The following DOCK2 variants were observed in gnomAD, a reference collection of about 807,000 sequenced individuals.
DOCK2 encodes dedicator of cytokinesis 2, also known as dedicator of cytokinesis protein 2.
In DOCK2, 87 loss-of-function variants were observed where a neutral mutation model predicts 248.9. That is an observed-to-expected ratio of 0.35 (90% CI 0.29 to 0.42). The LOEUF is 0.42. Ranked by LOEUF, DOCK2 falls within the 10% of genes least tolerant of loss-of-function variation. The probability of loss-of-function intolerance (pLI) is 1.00; values close to 1 mark genes in which losing one functional copy is unlikely to be tolerated. For synonymous variants in DOCK2, 805 were observed against 821.6 expected (o/e 0.98, Z 0.35); for missense variants, 1,747 against 2,300.2 (o/e 0.76, Z 4.92).
intron 23 of DOCK2, among the ~76,000 whole-genome samples, chr5:169,749,497 T>C (rs1185375698): frequency 1.3e-5 from 2 of 152,192 alleles, no homozygotes; most frequent in East Asian, 3.8e-4. Flanking sequence ...TATTAGTTGA[T>C]GCTTAATAGA....
chr5:169,989,807 G>C (rs931915681), intron 29 of DOCK2, among the ~76,000 whole-genome samples: 1 of 152,192 alleles, frequency 6.6e-6, no homozygotes, highest in Non-Finnish European at 1.5e-5. Flanking sequence ...AAAGTAGTTA[G>C]AATAGTGTTT....
chr5:170,010,740 C>T (rs1046032469), intron 32 of DOCK2, among the ~76,000 whole-genome samples: 12 of 152,222 alleles, frequency 7.9e-5, no homozygotes, highest in African/African-American at 2.4e-4. Flanking sequence ...AGTTTGCATT[C>T]GTTGCTGTAC....
At chr5:169,973,894 C>G (rs1297467021) in intron 27 of DOCK2, among the ~76,000 whole-genome samples, 1 of 152,152 alleles carries the variant, frequency 6.6e-6, no homozygotes, top group African/African-American at 2.4e-5. Context: ...GTTAATTTAT[C>G]CATCTGTCCA....
At chr5:169,801,329 A>G (rs1463645824) in intron 25 of DOCK2, among the ~76,000 whole-genome samples, 1 of 151,964 alleles carries the variant, frequency 6.6e-6, no homozygotes, top group Non-Finnish European at 1.5e-5. Flanking sequence ...GTAGTGCTTA[A>G]GAGCACAGTC....
intron 6 of DOCK2, among the ~76,000 whole-genome samples, chr5:169,675,454 C>T (rs959582948): frequency 1.3e-5 from 2 of 152,206 alleles, no homozygotes; most frequent in Non-Finnish European, 2.9e-5. Flanking sequence ...TCCCTGTCCA[C>T]TAAAGGGTCA....
At chr5:169,972,586 T>TAGATGATAGATAGATA (rs1554122913) in intron 27 of DOCK2, among the ~76,000 whole-genome samples, 1 of 68,956 alleles carries the variant, frequency 1.5e-5, no homozygotes, top group Non-Finnish European at 2.9e-5. Flanking sequence ...GATAGATAGA[T>TAGATGATAGATAGATA]GATAGATAGA....
intron 27 of DOCK2, among the ~76,000 whole-genome samples, chr5:169,978,399 G>T (rs1156562505): frequency 7.1e-6 from 1 of 141,416 alleles, no homozygotes; most frequent in Non-Finnish European, 1.6e-5. Context: ...GTGTGGGGGG[G>T]GGGGGGTGTA....
chr5:169,914,847 A>G (rs1432474389), intron 27 of DOCK2, among the ~76,000 whole-genome samples: 1 of 152,208 alleles, frequency 6.6e-6, no homozygotes, highest in Non-Finnish European at 1.5e-5. Context: ...TTTGCATCCC[A>G]TGGAGTAAAT....
At chr5:169,855,768 A>T (rs1218051628) in intron 27 of DOCK2, among the ~76,000 whole-genome samples, 2 of 152,192 alleles carry the variant, frequency 1.3e-5, no homozygotes, top group Non-Finnish European at 2.9e-5. Flanking sequence ...CTACTCTTGG[A>T]GTTTAACGTA....
chr5:169,790,640 G>A (rs557061784), intron 25 of DOCK2, among the ~76,000 whole-genome samples: 1 of 152,336 alleles, frequency 6.6e-6, no homozygotes, highest in East Asian at 1.9e-4. Flanking sequence ...AACAGTGGAA[G>A]GAAACTGAAG....
At chr5:169,965,876 C>A (rs1777278298) in intron 27 of DOCK2, among the ~76,000 whole-genome samples, 2 of 152,170 alleles carry the variant, frequency 1.3e-5, no homozygotes, top group Admixed American at 1.3e-4. Flanking sequence ...GGCCTCTGGG[C>A]TCTCACCTTT....
At chr5:169,940,083 G>A (rs1395669964) in intron 27 of DOCK2, among the ~76,000 whole-genome samples, 2 of 152,218 alleles carry the variant, frequency 1.3e-5, no homozygotes, top group Non-Finnish European at 2.9e-5. Flanking sequence ...GGCTGTGGGT[G>A]GGGAGAGGGG....
intron 27 of DOCK2, among the ~76,000 whole-genome samples, chr5:169,864,854 A>C (rs1332479658): frequency 6.6e-6 from 1 of 152,208 alleles, no homozygotes; most frequent in Admixed American, 6.5e-5. Flanking sequence ...GCTCAGTTTC[A>C]TTATCTGTAA....
intron 22 of DOCK2, among the ~76,000 whole-genome samples, chr5:169,730,638 G>C (rs1312164871): frequency 2.0e-5 from 3 of 152,088 alleles, no homozygotes; most frequent in Admixed American, 2.0e-4. Flanking sequence ...AGATATATAG[G>C]ACATAAACTG....
At chr5:169,766,226 C>T (rs1764782560) in intron 25 of DOCK2, among the ~76,000 whole-genome samples, 1 of 152,118 alleles carries the variant, frequency 6.6e-6, no homozygotes, top group African/African-American at 2.4e-5. Context: ...TCCTCCCACC[C>T]TCTACCCTCA....
intron 29 of DOCK2, among the ~76,000 whole-genome samples, chr5:169,995,481 A>T (rs2113797484): frequency 6.6e-6 from 1 of 152,394 alleles, no homozygotes; most frequent in South Asian, 2.1e-4. Flanking sequence ...TAAGAAATGG[A>T]TTAAACTGTG....
chr5:169,703,403 G>A (rs570352177), intron 14 of DOCK2, among the ~76,000 whole-genome samples: 3 of 152,118 alleles, frequency 2.0e-5, no homozygotes, highest in Non-Finnish European at 2.9e-5. Context: ...TTTACAGATA[G>A]GGAAACAAAA....
chr5:169,883,871 GTC>G (rs1421363636), intron 27 of DOCK2: 3 of 1,516,164 alleles, frequency 2.0e-6, no homozygotes, highest in Non-Finnish European at 2.7e-6. Flanking sequence ...AGAAGCACAG[GTC>G]TCACTTTCAT....
chr5:170,019,243 C>T (rs1282221851), intron 33 of DOCK2, 135 bp downstream of exon 33: 4 of 1,343,478 alleles, frequency 3.0e-6, no homozygotes, highest in Non-Finnish European at 4.1e-6. Flanking sequence ...ATTCATGGGT[C>T]CGGAATGAGC....
Sources: allele counts gnomAD v4.1 joint callset (sites outside exome capture counted in the v4.1 genomes callset), GRCh38; gene constraint gnomAD v4.1.1; transcripts MANE v1.5; gene names NCBI Gene and HGNC (gene_info 2026-07-23, HGNC 2026-07-21).